FSTL4: variants seen among roughly 807,000 people sequenced by gnomAD.
FSTL4 encodes the protein follistatin-related protein 4.
Under a neutral mutation model 78.2 loss-of-function variants are expected in FSTL4, and 28 were observed. That is an observed-to-expected ratio of 0.36 (90% CI 0.27 to 0.49). The LOEUF (loss-of-function observed/expected upper bound fraction) is 0.49, where lower values mean the gene tolerates loss of function less well. Ranked by LOEUF, FSTL4 falls within the 20% of genes least tolerant of loss-of-function variation. The pLI is 0.98. For synonymous variants in FSTL4, 422 were observed against 440.5 expected, an observed-to-expected ratio of 0.96 and a Z score of 0.53; for missense variants, 922 against 1,084.9, an observed-to-expected ratio of 0.85 and a Z score of 2.11.
the FSTL4 span, among the ~76,000 whole-genome samples, chr5:133,817,985 C>T: frequency 6.6e-6 from 1 of 152,210 alleles, no homozygotes; most frequent in East Asian, 1.9e-4. Flanking sequence ...GGATTCAAAC[C>T]CATATCTGCC....
intron 3 of FSTL4, among the ~76,000 whole-genome samples, chr5:133,548,740 T>C (rs1322567202): frequency 6.6e-6 from 1 of 152,152 alleles, no homozygotes; most frequent in East Asian, 1.9e-4. Context: ...AAATATTATA[T>C]TGAATTTTAA....
intron 4 of FSTL4, among the ~76,000 whole-genome samples, chr5:133,330,635 T>C (rs79787472): frequency 0.021 from 3,190 of 152,268 alleles, 127 homozygotes; most frequent in African/African-American, 0.072. Context: ...ATCCAAAGAA[T>C]AATACACCAC....
rs2126753621 is a variant in FSTL4, at chr5:133,197,824, T to C, written c.*1271A>G. ...CTGATCTAGGCGGTCTCCAGAGGGC[T>C]ATGTGGGTTGTACTTCTTCGATGCC... On this transcript the variant is annotated 3_prime_UTR_variant, in exon 16 of 16. Coordinates refer to ENST00000265342, the MANE Select transcript of FSTL4 (RefSeq NM_015082.2). 6.6e-6 allele frequency: 1 copy of C among 152,384 alleles called. No individual in the cohort carries two copies. The highest frequency in any genetic ancestry group is 1.5e-5 in the Non-Finnish European group (1 of 68,088). 9.4% of individuals were successfully genotyped at this position (152,384 alleles called of 1,614,324 possible). A position where few individuals can be genotyped will look rare whatever the true frequency, so the allele number is the denominator to read the frequency against.
intron 3 of FSTL4, among the ~76,000 whole-genome samples, chr5:133,410,378 A>G (rs1250435288): frequency 6.6e-6 from 1 of 152,174 alleles, no homozygotes; most frequent in Non-Finnish European, 1.5e-5. Flanking sequence ...TCTTGGAGCC[A>G]AGGGGACCAG....
chr5:133,396,647 C>T (rs1245771614), intron 4 of FSTL4, among the ~76,000 whole-genome samples: 1 of 152,100 alleles, frequency 6.6e-6, no homozygotes, highest in Non-Finnish European at 1.5e-5. Context: ...TATAGAAATG[C>T]CCCTGGAGGT....
the FSTL4 span, among the ~76,000 whole-genome samples, chr5:133,801,119 C>T: frequency 3.9e-5 from 6 of 152,130 alleles, no homozygotes; most frequent in South Asian, 2.1e-4. Flanking sequence ...CTCCTCTCAC[C>T]GACCTCCAGA....
chr5:133,399,316 C>A (rs2126969974), intron 4 of FSTL4, among the ~76,000 whole-genome samples: 1 of 152,298 alleles, frequency 6.6e-6, no homozygotes, highest in South Asian at 2.1e-4. Flanking sequence ...TTTTCCTAGG[C>A]TCATTTTGGC....
At chr5:133,555,654 CT>C (rs1759770843) in intron 3 of FSTL4, among the ~76,000 whole-genome samples, 1 of 152,146 alleles carries the variant, frequency 6.6e-6, no homozygotes, top group Non-Finnish European at 1.5e-5. Flanking sequence ...TACAGGCCTA[CT>C]GTTTTTAAAA....
chr5:133,287,116 C>T (rs535650822), intron 6 of FSTL4, among the ~76,000 whole-genome samples: 26 of 152,180 alleles, frequency 1.7e-4, no homozygotes, highest in African/African-American at 5.8e-4. Flanking sequence ...TGGCCGGACG[C>T]GGTGGCTCAC....
the FSTL4 span, among the ~76,000 whole-genome samples, chr5:133,656,485 G>A: frequency 1.3e-5 from 2 of 152,166 alleles, no homozygotes; most frequent in African/African-American, 2.4e-5. Context: ...TGGCAGGTGG[G>A]AGTCTGGCTG....
intron 3 of FSTL4, among the ~76,000 whole-genome samples, chr5:133,465,853 G>A (rs894161062): frequency 3.3e-5 from 5 of 152,202 alleles, no homozygotes; most frequent in African/African-American, 1.2e-4. Flanking sequence ...ACTCTAACAG[G>A]GATACTGGAT....
chr5:133,573,301 G>A (rs1422132622), intron 2 of FSTL4, among the ~76,000 whole-genome samples: 1 of 151,778 alleles, frequency 6.6e-6, no homozygotes, highest in Non-Finnish European at 1.5e-5. Context: ...AAACACACAA[G>A]GATTGGCATA....
At chr5:133,394,200 G>A (rs1377482256) in intron 4 of FSTL4, among the ~76,000 whole-genome samples, 1 of 152,262 alleles carries the variant, frequency 6.6e-6, no homozygotes, top group East Asian at 1.9e-4. Context: ...ACAGCATGCT[G>A]GTAGCCCTTG....
chr5:133,660,543 T>C, the FSTL4 span, among the ~76,000 whole-genome samples: 4 of 152,208 alleles, frequency 2.6e-5, no homozygotes, highest in Admixed American at 1.3e-4. Flanking sequence ...AAGACCATGG[T>C]GCTTGTGCTC....
upstream of FSTL4, among the ~76,000 whole-genome samples, chr5:133,617,075 C>T (rs530573062): frequency 3.3e-5 from 5 of 152,024 alleles, no homozygotes; most frequent in Admixed American, 1.3e-4. Context: ...CCGAGGCAGG[C>T]GGATCATGAG....
the FSTL4 span, among the ~76,000 whole-genome samples, chr5:133,664,758 G>A: frequency 1.3e-5 from 2 of 152,040 alleles, no homozygotes; most frequent in Admixed American, 1.3e-4. Context: ...CTCTGTCAGG[G>A]GTTTTATTTG....
the FSTL4 span, among the ~76,000 whole-genome samples, chr5:133,697,028 G>A: frequency 6.6e-6 from 1 of 152,356 alleles, no homozygotes; most frequent in African/African-American, 2.4e-5. Flanking sequence ...CCGAAACACA[G>A]GGCGATTAGG....
At chr5:133,767,328 C>G in the FSTL4 span, among the ~76,000 whole-genome samples, 1 of 152,144 alleles carries the variant, frequency 6.6e-6, no homozygotes, top group Non-Finnish European at 1.5e-5. Context: ...AGAGTGGGTT[C>G]TGCACCTGCA....
the FSTL4 span, among the ~76,000 whole-genome samples, chr5:133,819,199 A>C: frequency 6.6e-6 from 1 of 151,654 alleles, no homozygotes; most frequent in Non-Finnish European, 1.5e-5. Flanking sequence ...ACCTAGAACA[A>C]GAAAGTGAAG....
Sources: gnomAD v4.1 joint callset for allele counts (sites outside exome capture counted in the v4.1 genomes callset) on GRCh38, gnomAD v4.1.1 for gene constraint, MANE v1.5 for transcripts, NCBI Gene and HGNC (gene_info 2026-07-23, HGNC 2026-07-21) for gene names.